The following TRUB2 variants were observed in gnomAD, a reference collection of about 807,000 sequenced individuals.
TRUB2 encodes pseudouridylate synthase TRUB2, mitochondrial.
A neutral mutation model predicts 31.9 loss-of-function variants in TRUB2; 31 were observed. That is an observed-to-expected ratio of 0.97 (90% CI 0.73 to 1.31). The LOEUF (loss-of-function observed/expected upper bound fraction) is 1.31, where lower values mean the gene tolerates loss of function less well. Among genes scored for constraint, TRUB2 ranks in the 50% most tolerant of loss-of-function variants. TRUB2 has a pLI of 0.00. For synonymous variants in TRUB2, 201 were observed against 182.6 expected, an observed-to-expected ratio of 1.10 and a Z score of -0.81; for missense variants, 451 against 439.6, an observed-to-expected ratio of 1.03 and a Z score of -0.23.
At position 128,309,310 on chromosome 9, in the gene TRUB2, C is replaced by T. The variant is rs532990790; in HGVS notation, c.*240G>A. 1.7e-5 allele frequency: 9 copies of T among 515,764 alleles called. No individual in the cohort carries two copies. Among genetic ancestry groups the T allele is most frequent in the East Asian group, 3.3e-5 (1 of 30,722 alleles). 31.9% of individuals were successfully genotyped at this position (515,764 alleles called of 1,614,324 possible). On this transcript the variant is annotated 3_prime_UTR_variant, in exon 8 of 8. Transcript: ENST00000372890. ...GGGAGTAGCTGGGATTACAAGTGCC[C>T]GCCACCACGCCTGGTCTGCCAATAC...
At position 128,309,974 on chromosome 9, in the gene TRUB2, A is replaced by T; in HGVS notation, c.671-99T>A. On this transcript the variant is annotated intron_variant, in intron 7 of 7. Coordinates refer to ENST00000372890, the MANE Select transcript of TRUB2 (RefSeq NM_015679.3). ...CTTGGATACCTCCTAGGTGTGTAAC[A>T]ACCTTAGCAAGACCCCTAAGCTCTC... 11 of 1,310,052 alleles carry T rather than the reference A, an allele frequency of 8.4e-6. No individual in the cohort carries two copies. The South Asian group carries it at 1.4e-4, about 17-fold the overall frequency. 81.2% of individuals were successfully genotyped at this position (1,310,052 alleles called of 1,614,324 possible). A position where few individuals can be genotyped will look rare whatever the true frequency, so the allele number is the denominator to read the frequency against.
intron 2 of TRUB2, among the ~76,000 whole-genome samples, chr9:128,320,177 A>AT (rs1268414422): frequency 2.9e-5 from 4 of 137,278 alleles, no homozygotes; most frequent in Admixed American, 7.2e-5. Context: ...CAGCCTCTTT[A>AT]TTTTTTTTGG....
chr9:128,319,691 T>A (rs1588529516), intron 2 of TRUB2, among the ~76,000 whole-genome samples: 1 of 149,164 alleles, frequency 6.7e-6, no homozygotes, highest in Non-Finnish European at 1.5e-5. Flanking sequence ...CAGGCTGGAG[T>A]GCAGTGGCAC....
chr9:128,318,887 A>G (rs572081204), intron 2 of TRUB2, among the ~76,000 whole-genome samples: 1 of 152,096 alleles, frequency 6.6e-6, no homozygotes, highest in East Asian at 1.9e-4. Flanking sequence ...CAGTGGTTCA[A>G]AATAAATCAA....
At chr9:128,316,435 C>G (rs546634366) in intron 3 of TRUB2, 1 of 152,092 alleles carries the variant, frequency 6.6e-6, no homozygotes, top group Non-Finnish European at 1.5e-5. Flanking sequence ...GCTGTGCAGT[C>G]GGCACAGAGG....
rs182986901 is a variant in TRUB2, at chr9:128,312,071, G to A, written c.461-470C>T. On this transcript the variant is annotated intron_variant, in intron 5 of 7. Transcript: ENST00000372890. Reference sequence around the variant, plus strand: ...AGGATGGTCTCGATCTCCTGACCTCGTGATCCGCCCGCCTCGGCCTCCCAA... The same window carrying A: ...AGGATGGTCTCGATCTCCTGACCTCATGATCCGCCCGCCTCGGCCTCCCAA... Among the ~76,000 whole-genome samples, 6 of 150,578 alleles carry A rather than the reference G, an allele frequency of 4.0e-5. No homozygotes were observed. In the East Asian group the frequency reaches 1.2e-3, roughly 29 times the overall value.
In TRUB2 at chr9:128,318,734, A is replaced by G. The variant is rs1832110221; in HGVS notation, c.242-1508T>C. On this transcript the variant is annotated intron_variant, in intron 2 of 7. Transcript: ENST00000372890. Reference sequence around the variant, plus strand: ...TTTTTAGTAGAGACGGAGTTTCATCATGTTGGCCAGGCTGGTCTTGAACTC... The same window carrying G: ...TTTTTAGTAGAGACGGAGTTTCATCGTGTTGGCCAGGCTGGTCTTGAACTC... 8.6e-5 allele frequency among the ~76,000 whole-genome samples: 13 copies of G among 151,936 alleles called. No homozygotes were observed. The South Asian group carries it at 2.7e-3, about 32-fold the overall frequency.
At chr9:128,310,772 G>A (rs926686432) in intron 7 of TRUB2, 115 bp downstream of exon 7, 43 of 1,419,926 alleles carry the variant, frequency 3.0e-5, no homozygotes, top group African/African-American at 8.4e-5. Context: ...GATCAGGGCC[G>A]GCGTGTGCTG....
At chr9:128,320,414 C>G (rs1196445818) in intron 2 of TRUB2, among the ~76,000 whole-genome samples, 1 of 151,812 alleles carries the variant, frequency 6.6e-6, no homozygotes, top group African/African-American at 2.4e-5. Flanking sequence ...CTCACCGCAA[C>G]CTCCGACTCC....
chr9:128,316,508 C>T (rs1249651690), intron 3 of TRUB2: 3 of 152,418 alleles, frequency 2.0e-5, no homozygotes, highest in African/African-American at 7.2e-5. Context: ...CTGTTTCTCC[C>T]TCTGGCTGAG....
intron 2 of TRUB2, among the ~76,000 whole-genome samples, chr9:128,320,419 G>T (rs552972430): frequency 6.6e-6 from 1 of 151,070 alleles, no homozygotes; most frequent in Non-Finnish European, 1.5e-5. Context: ...CGCAACCTCC[G>T]ACTCCCGGGT....
At chr9:128,314,091 A>G (rs1476962585) in intron 4 of TRUB2, among the ~76,000 whole-genome samples, 1 of 152,098 alleles carries the variant, frequency 6.6e-6, no homozygotes, top group Non-Finnish European at 1.5e-5. Flanking sequence ...CTCTCTTTGT[A>G]TTCAAGCTCT....
chr9:128,321,258 C>T (rs1232782700), intron 2 of TRUB2, among the ~76,000 whole-genome samples: 1 of 152,168 alleles, frequency 6.6e-6, no homozygotes, highest in Non-Finnish European at 1.5e-5. Flanking sequence ...GACTCAGAGG[C>T]AACTGTACTT....
At chr9:128,319,734 G>A (rs1348031076) in intron 2 of TRUB2, among the ~76,000 whole-genome samples, 1 of 150,680 alleles carries the variant, frequency 6.6e-6, no homozygotes, top group Non-Finnish European at 1.5e-5. Context: ...TGCCTCCCAG[G>A]TTCGTGCGAC....
rs1417992635 is a variant in TRUB2 at position 128,313,882 on chromosome 9, G to A, written c.386C>T (p.Thr129Ile). 1 of 1,614,044 alleles carries A rather than the reference G, an allele frequency of 6.2e-7. No homozygotes were observed. The highest frequency in any genetic ancestry group is 2.2e-5 in the East Asian group (1 of 44,866). Residue 129 changes from threonine (T) to isoleucine (I), a missense_variant, in exon 5 of 8, where the codon ACA (threonine) becomes ATA (isoleucine). By Grantham distance (89) the Thr-to-Ile change is moderately conservative (BLOSUM62 -1). Coordinates refer to ENST00000372890, the MANE Select transcript of TRUB2 (RefSeq NM_015679.3). ...AGCTTTGCCCAGGAGGCCACGCACT[G>A]TGTAATCCTTCAAGGACAGGGAGGT... The part of the protein sequence containing the change: ...MYNAHLTKDY[T>I]VRGLLGKATD...
At chr9:128,317,376 G>C in intron 2 of TRUB2, 150 bp from the exon 3 acceptor site, 1 of 732,198 alleles carries the variant, frequency 1.4e-6, no homozygotes, top group Non-Finnish European at 2.3e-6. Flanking sequence ...CATGGAATCT[G>C]GGACCCTGAA....
rs1027231977 is a variant in TRUB2, at chr9:128,322,354, G to T, written c.55C>A (p.Pro19Thr). The T allele has an allele frequency of 5.0e-6, 8 of 1,614,128 alleles. No individual in the cohort carries two copies. The highest frequency in any genetic ancestry group is 6.8e-6 in the Non-Finnish European group (8 of 1,180,014). ...CGCAGGTGCTTCCATTTTAGCCCCG[G>T]GGGCTTATAGACCGCGAAAAGCCCA... ...LHGLFAVYKP[P>T]GLKWKHLRDT... The change falls in exon 1 of 8, where the codon CCG (proline) becomes ACG (threonine). Residue 19 changes from proline to threonine, a missense_variant. By Grantham distance (38) the Pro-to-Thr change is conservative (BLOSUM62 -1). Coordinates refer to ENST00000372890, the MANE Select transcript of TRUB2 (RefSeq NM_015679.3).
chr9:128,315,030 G>A (rs1185658900), intron 4 of TRUB2, among the ~76,000 whole-genome samples: 1 of 152,124 alleles, frequency 6.6e-6, no homozygotes, highest in Non-Finnish European at 1.5e-5. Context: ...CTAAAAACAT[G>A]GGCCCCATAA....
rs199935868 is a variant in TRUB2 at position 128,313,855 on chromosome 9, G to A, written c.413C>T (p.Thr138Ile). The change falls in exon 5 of 8, where the codon ACA becomes ATA. Residue 138 changes from threonine to isoleucine, a missense_variant. Transcript: ENST00000372890. ...YTVRGLLGKA[T>I]DDFREDGRLV... ...CCTCCCGTCCTCACGGAAGTCATCTGTAGCTTTGCCCAGGAGGCCACGCAC... is the reference window on the plus strand; with the variant it reads ...CCTCCCGTCCTCACGGAAGTCATCTATAGCTTTGCCCAGGAGGCCACGCAC... 8 of 1,614,236 alleles carry A rather than the reference G, an allele frequency of 5.0e-6. No individual in the cohort carries two copies. In the African/African-American group the frequency reaches 9.3e-5, roughly 19 times the overall value.
Sources: allele counts gnomAD v4.1 joint callset (sites outside exome capture counted in the v4.1 genomes callset), GRCh38; gene constraint gnomAD v4.1.1; transcripts MANE v1.5; gene names NCBI Gene and HGNC (gene_info 2026-07-23, HGNC 2026-07-21).